Variants in CNST observed in about 807,000 individuals in gnomAD.
The protein encoded by CNST is consortin, connexin sorting protein, also known as consortin.
CNST carries 39 observed loss-of-function variants against 72.4 expected under a neutral mutation model. The observed-to-expected ratio is 0.54, with a 90% CI of 0.42 to 0.70. The LOEUF is 0.70. Among genes scored for constraint, CNST ranks in the 30% least tolerant of loss-of-function variants. CNST has a pLI of 0.00. For missense variants in CNST, 871 were observed against 868.5 expected, an observed-to-expected ratio of 1.00 and a Z score of -0.04; for synonymous variants, 332 against 320.1, an observed-to-expected ratio of 1.04 and a Z score of -0.40.
At chr1:246,605,677 CCGGCCGGGG>C in intron 2 of CNST, among the ~76,000 whole-genome samples, 2 of 145,386 alleles carry the variant, frequency 1.4e-5, no homozygotes, top group Non-Finnish European at 3.1e-5. Context: ...TGCGTGTCTT[CCGGCCGGGG>C]TAGGTGTCTT....
chr1:246,582,755 G>A (rs1028780965), intron 1 of CNST, among the ~76,000 whole-genome samples: 1 of 152,188 alleles, frequency 6.6e-6, no homozygotes, highest in Non-Finnish European at 1.5e-5. Flanking sequence ...ATTTGGTCCT[G>A]TTTATTTCTT....
At chr1:246,646,637 C>G (rs1262019303) in intron 8 of CNST, among the ~76,000 whole-genome samples, 5 of 152,026 alleles carry the variant, frequency 3.3e-5, no homozygotes, top group Non-Finnish European at 7.4e-5. Context: ...TGTGCCACCA[C>G]GCCCAGCTAA....
chr1:246,603,163 A>G (rs1351754885), intron 2 of CNST, among the ~76,000 whole-genome samples: 1 of 152,210 alleles, frequency 6.6e-6, no homozygotes, highest in East Asian at 1.9e-4. Flanking sequence ...ATATTAACCT[A>G]GATGAATGAA....
intron 1 of CNST, among the ~76,000 whole-genome samples, chr1:246,585,662 A>ATAC (rs1259566058): frequency 6.9e-4 from 40 of 57,808 alleles, no homozygotes; most frequent in Non-Finnish European, 1.1e-3. Flanking sequence ...AAAAAAAAAA[A>ATAC]ATATACACAC....
At chr1:246,590,318 T>C (rs1429352632) in intron 1 of CNST, among the ~76,000 whole-genome samples, 1 of 152,188 alleles carries the variant, frequency 6.6e-6, no homozygotes, top group African/African-American at 2.4e-5. Context: ...AATTTACAGA[T>C]AACACAAGTA....
intron 1 of CNST, among the ~76,000 whole-genome samples, chr1:246,569,721 C>T: frequency 6.6e-6 from 1 of 152,184 alleles, no homozygotes; most frequent in East Asian, 1.9e-4. Context: ...AGCCACCATG[C>T]CCAGCCTCTT....
chr1:246,653,439 A>G (rs1666600803), intron 9 of CNST, among the ~76,000 whole-genome samples: 1 of 152,214 alleles, frequency 6.6e-6, no homozygotes, highest in South Asian at 2.1e-4. Flanking sequence ...AACAGCAATC[A>G]TGGTTGTTCT....
chr1:246,566,461 C>T lies in CNST; in HGVS notation c.-254C>T. The T allele has an allele frequency of 2.3e-6, 1 of 437,640 alleles. No homozygotes were observed. Among genetic ancestry groups the T allele is most frequent in the East Asian group, 3.2e-5 (1 of 31,138 alleles). 27.1% of individuals were successfully genotyped at this position (437,640 alleles called of 1,614,324 possible). ...CCGCCAGTGCTCTATGCTCCGCGGT[C>T]GCGGGCCGCCAGCCTCCAGCCGGCC... On this transcript the variant is annotated 5_prime_UTR_variant, in exon 1 of 11. Transcript: ENST00000366513.
At chr1:246,584,850 T>C (rs1257089006) in intron 1 of CNST, among the ~76,000 whole-genome samples, 2 of 152,198 alleles carry the variant, frequency 1.3e-5, no homozygotes, top group African/African-American at 4.8e-5. Flanking sequence ...CTGCTGTTTT[T>C]TTCCCCCAGT....
At chr1:246,639,628 A>G (rs1254164460) in intron 6 of CNST, among the ~76,000 whole-genome samples, 1 of 152,216 alleles carries the variant, frequency 6.6e-6, no homozygotes, top group African/African-American at 2.4e-5. Context: ...ACACAGGAGC[A>G]GATCATCAAC....
At chr1:246,581,301 T>A (rs553401478) in intron 1 of CNST, among the ~76,000 whole-genome samples, 7 of 152,186 alleles carry the variant, frequency 4.6e-5, no homozygotes, top group Non-Finnish European at 8.8e-5. Flanking sequence ...GTTTTGCTTT[T>A]GTTGCCCAGG....
At chr1:246,591,482 G>A in intron 1 of CNST, 30 bp from the exon 2 acceptor site, 1 of 1,465,422 alleles carries the variant, frequency 6.8e-7, no homozygotes, top group Non-Finnish European at 9.3e-7. Context: ...GTTAGAAAAT[G>A]AAGTAGCTTT....
chr1:246,648,239 A>G, intron 9 of CNST: 1 of 1,345,514 alleles, frequency 7.4e-7, no homozygotes, highest in Non-Finnish European at 9.5e-7. Flanking sequence ...CAATGTTCAT[A>G]CTACAAGATG....
chr1:246,649,178 G>A (rs1031875193), intron 9 of CNST, among the ~76,000 whole-genome samples: 43 of 94,014 alleles, frequency 4.6e-4, no homozygotes, highest in Non-Finnish European at 2.7e-4. Flanking sequence ...TTTTTTTTTC[G>A]TAGTTTTTGC....
intron 9 of CNST, 188 bp downstream of exon 9, chr1:246,648,225 A>T (rs1426497022): frequency 8.7e-6 from 12 of 1,378,584 alleles, no homozygotes; most frequent in African/African-American, 1.5e-5. Context: ...ACTTTTAATC[A>T]TTGCAATGTT....
At chr1:246,568,996 AAC>A (rs1659895951) in intron 1 of CNST, among the ~76,000 whole-genome samples, 1 of 152,154 alleles carries the variant, frequency 6.6e-6, no homozygotes, top group South Asian at 2.1e-4. Flanking sequence ...AGCCTCCCAA[AAC>A]ACTGGTATTA....
rs562340280 is a variant in CNST, at chr1:246,567,353, CT to C, written c.-52+701del. Among the ~76,000 whole-genome samples the C allele has an allele frequency of 1.8e-3, 270 of 147,864 alleles. 1 individual carries two copies. Among genetic ancestry groups the C allele is most frequent in the African/African-American group, 5.1e-3 (205 of 40,298 alleles). On this transcript the variant is annotated intron_variant, in intron 1 of 10. Coordinates refer to ENST00000366513, the MANE Select transcript of CNST (RefSeq NM_152609.3). ...ATGCTGTAATGGAAATTTTGGCAGTCTTTTTTTTTTTACCTATTGGGCAATG... is the reference window on the plus strand; with the variant it reads ...ATGCTGTAATGGAAATTTTGGCAGTCTTTTTTTTTTACCTATTGGGCAATG...
In CNST at chr1:246,634,600, G is replaced by C. The variant is rs1665026876; in HGVS notation, c.818+13G>C. The C allele has an allele frequency of 7.0e-7, 1 of 1,425,814 alleles. No individual in the cohort carries two copies. Among genetic ancestry groups the C allele is most frequent in the Non-Finnish European group, 9.7e-7 (1 of 1,027,274 alleles). 88.3% of individuals were successfully genotyped at this position (1,425,814 alleles called of 1,614,324 possible). Reference sequence around the variant, plus strand: ...CAACACATCAAGAGTAAGTATATCAGAATTTCGTTAGAATGAGTTGGAGTA... The same window carrying C: ...CAACACATCAAGAGTAAGTATATCACAATTTCGTTAGAATGAGTTGGAGTA... On this transcript the variant is annotated intron_variant, in intron 6 of 10. Transcript: ENST00000366513.
intron 1 of CNST, among the ~76,000 whole-genome samples, chr1:246,587,850 T>G (rs560365201): frequency 1.4e-4 from 21 of 152,352 alleles, no homozygotes; most frequent in Admixed American, 3.9e-4. Flanking sequence ...AAATTATGCT[T>G]CCTTTCATTC....
Sources: allele counts gnomAD v4.1 joint callset (sites outside exome capture counted in the v4.1 genomes callset), GRCh38; gene constraint gnomAD v4.1.1; transcripts MANE v1.5; gene names NCBI Gene and HGNC (gene_info 2026-07-23, HGNC 2026-07-21).